Variants in PARD3B observed in about 807,000 individuals in gnomAD.
PARD3B encodes the protein par-3 family cell polarity regulator beta.
In PARD3B, 103 loss-of-function variants were observed where a neutral mutation model predicts 130.2. The ratio of observed to expected loss-of-function variants is 0.79; its 90% confidence interval spans 0.67 to 0.93. PARD3B has a LOEUF of 0.93. Ranked by LOEUF, PARD3B falls within the 40% of genes least tolerant of loss-of-function variation. The pLI is 0.00. For missense variants in PARD3B, 1,609 were observed against 1,499.2 expected (o/e 1.07, Z -1.21); for synonymous variants, 583 against 553.2 (o/e 1.05, Z -0.76).
intron 15 of PARD3B, among the ~76,000 whole-genome samples, chr2:205,237,115 T>C (rs1437931365): frequency 6.6e-6 from 1 of 152,148 alleles, no homozygotes; most frequent in Non-Finnish European, 1.5e-5. Flanking sequence ...TTGTTTGTTT[T>C]TGAGACAGAG....
chr2:205,130,877 G>GA (rs2031935622), intron 10 of PARD3B, among the ~76,000 whole-genome samples: 1 of 152,104 alleles, frequency 6.6e-6, no homozygotes, highest in African/African-American at 2.4e-5. Context: ...CTTTTGCTGA[G>GA]AAAAAATGAT....
chr2:205,482,311 G>T (rs999419780), intron 20 of PARD3B, among the ~76,000 whole-genome samples: 1 of 152,170 alleles, frequency 6.6e-6, no homozygotes, highest in Non-Finnish European at 1.5e-5. Flanking sequence ...CACAAGGGTT[G>T]CTCTGCCATA....
chr2:204,988,238 T>C (rs2125232468), intron 3 of PARD3B, among the ~76,000 whole-genome samples: 1 of 152,322 alleles, frequency 6.6e-6, no homozygotes, highest in Non-Finnish European at 1.5e-5. Context: ...ATTGAAATCC[T>C]ACATGAAGAA....
intron 18 of PARD3B, among the ~76,000 whole-genome samples, chr2:205,313,598 A>C (rs2105941126): frequency 6.6e-6 from 1 of 152,324 alleles, no homozygotes; most frequent in East Asian, 1.9e-4. Flanking sequence ...ATGACCACAT[A>C]GAGTGTCAAC....
chr2:204,777,776 G>C (rs2125445632), intron 2 of PARD3B, among the ~76,000 whole-genome samples: 1 of 152,080 alleles, frequency 6.6e-6, no homozygotes, highest in East Asian at 1.9e-4. Flanking sequence ...ATATGCTTTG[G>C]CTCTGTATCC....
chr2:204,893,878 A>G (rs2046541121), intron 2 of PARD3B, among the ~76,000 whole-genome samples: 1 of 152,148 alleles, frequency 6.6e-6, no homozygotes, highest in Non-Finnish European at 1.5e-5. Flanking sequence ...AACTTTTATT[A>G]TATTATTAAT....
intron 1 of PARD3B, among the ~76,000 whole-genome samples, chr2:204,672,403 G>A (rs1444069394): frequency 6.6e-6 from 1 of 152,166 alleles, no homozygotes; most frequent in Non-Finnish European, 1.5e-5. Context: ...GACATGAAGG[G>A]CAGATGGCCA....
chr2:205,611,690 TA>T (rs1411315367), intron 22 of PARD3B, among the ~76,000 whole-genome samples: 1 of 152,130 alleles, frequency 6.6e-6, no homozygotes, highest in Non-Finnish European at 1.5e-5. Context: ...AATTTCAAAA[TA>T]TAGGTATTTT....
chr2:205,344,473 G>C (rs904801830), intron 18 of PARD3B, among the ~76,000 whole-genome samples: 2 of 152,108 alleles, frequency 1.3e-5, no homozygotes, highest in African/African-American at 4.8e-5. Context: ...GCAACTCACA[G>C]ACTATCAACT....
At chr2:205,186,990 A>G (rs1254538942) in intron 14 of PARD3B, among the ~76,000 whole-genome samples, 1 of 152,224 alleles carries the variant, frequency 6.6e-6, no homozygotes, top group Non-Finnish European at 1.5e-5. Flanking sequence ...GCAAAGCTGA[A>G]TCAGATATAA....
intron 1 of PARD3B, among the ~76,000 whole-genome samples, chr2:204,680,953 A>G (rs1399564239): frequency 6.6e-6 from 1 of 152,140 alleles, no homozygotes; most frequent in Admixed American, 6.5e-5. Context: ...ATATAATACA[A>G]ATAAGTTAGG....
intron 2 of PARD3B, among the ~76,000 whole-genome samples, chr2:204,817,234 C>T (rs1475395552): frequency 1.3e-5 from 2 of 151,806 alleles, no homozygotes; most frequent in Non-Finnish European, 2.9e-5. Context: ...TCATGTTTTA[C>T]AGATTCTTGG....
intron 20 of PARD3B, among the ~76,000 whole-genome samples, chr2:205,474,573 T>C (rs2048962191): frequency 6.6e-6 from 1 of 152,176 alleles, no homozygotes; most frequent in Non-Finnish European, 1.5e-5. Context: ...GATGGACATT[T>C]GGGATGTTTC....
chr2:204,820,169 G>C (rs1235044413), intron 2 of PARD3B, among the ~76,000 whole-genome samples: 1 of 137,006 alleles, frequency 7.3e-6, no homozygotes, highest in Non-Finnish European at 1.5e-5. Context: ...TCTACCTCCC[G>C]GGTTCAAGTG....
At chr2:205,586,825 T>TA (rs2054213158) in intron 22 of PARD3B, among the ~76,000 whole-genome samples, 1 of 152,182 alleles carries the variant, frequency 6.6e-6, no homozygotes, top group Non-Finnish European at 1.5e-5. Context: ...CAAAGGCCAT[T>TA]GCAAAATTTC....
chr2:204,705,804 C>T (rs564778712), intron 2 of PARD3B, among the ~76,000 whole-genome samples: 13 of 152,112 alleles, frequency 8.5e-5, no homozygotes, highest in Non-Finnish European at 1.5e-4. Flanking sequence ...GAGGCAGCAG[C>T]AGGTACTTAA....
chr2:205,535,090 A>G (rs1473189190), intron 21 of PARD3B, among the ~76,000 whole-genome samples: 1 of 152,140 alleles, frequency 6.6e-6, no homozygotes, highest in Non-Finnish European at 1.5e-5. Flanking sequence ...CTGTGTAGAC[A>G]TATTGCCCCC....
intron 10 of PARD3B, among the ~76,000 whole-genome samples, chr2:205,134,730 T>C (rs977067511): frequency 6.6e-6 from 1 of 152,220 alleles, no homozygotes; most frequent in Non-Finnish European, 1.5e-5. Context: ...AGAATTCTAC[T>C]GAACTATTGT....
intron 4 of PARD3B, among the ~76,000 whole-genome samples, chr2:205,068,807 T>C (rs1405368123): frequency 6.6e-6 from 1 of 152,132 alleles, no homozygotes; most frequent in East Asian, 1.9e-4. Flanking sequence ...TTTAGTAGTA[T>C]ATTTTAAATT....
Sources: allele counts gnomAD v4.1 joint callset (sites outside exome capture counted in the v4.1 genomes callset), GRCh38; gene constraint gnomAD v4.1.1; transcripts MANE v1.5; gene names NCBI Gene and HGNC (gene_info 2026-07-23, HGNC 2026-07-21).